NELL2: variants seen among roughly 807,000 people sequenced by gnomAD.
The protein encoded by NELL2 is protein kinase C-binding protein NELL2.
A neutral mutation model predicts 109.6 loss-of-function variants in NELL2; 41 were observed. That is an observed-to-expected ratio of 0.37 (90% CI 0.29 to 0.49). The LOEUF (loss-of-function observed/expected upper bound fraction) is 0.49, where lower values mean the gene tolerates loss of function less well. Among genes scored for constraint, NELL2 ranks in the 20% least tolerant of loss-of-function variants. The pLI, the probability that NELL2 is intolerant of heterozygous loss-of-function variation, is 0.98. For missense variants in NELL2, 900 were observed against 1,008.3 expected, an observed-to-expected ratio of 0.89 and a Z score of 1.45; for synonymous variants, 355 against 344.7, an observed-to-expected ratio of 1.03 and a Z score of -0.33.
At chr12:44,728,320 G>C (rs2037957142) in intron 9 of NELL2, among the ~76,000 whole-genome samples, 1 of 152,048 alleles carries the variant, frequency 6.6e-6, no homozygotes, top group Non-Finnish European at 1.5e-5. Flanking sequence ...CAGATATTTA[G>C]AATGTAAGAA....
In NELL2 at chr12:44,793,209, C is replaced by A. The variant is rs189070807; in HGVS notation, c.336-13187G>T. 8.9e-4 allele frequency among the ~76,000 whole-genome samples: 136 copies of A among 152,090 alleles called. 3 individuals are homozygous for A. Among genetic ancestry groups the A allele is most frequent in the Non-Finnish European group, 1.5e-4 (10 of 67,978 alleles). ...TTAAGATAAAAAAGAAAAAGGTAAA[C>A]CACCTGTCGAGAATATAAATTATTT... On this transcript the variant is annotated intron_variant, in intron 3 of 19. Coordinates refer to ENST00000429094, the MANE Select transcript of NELL2 (RefSeq NM_001145108.2).
intron 12 of NELL2, among the ~76,000 whole-genome samples, chr12:44,686,250 TG>T (rs893213291): frequency 6.6e-6 from 1 of 152,226 alleles, no homozygotes; most frequent in African/African-American, 2.4e-5. Context: ...TCTCGAGCCT[TG>T]GTTTTCAGCT....
At chr12:44,752,501 T>C (rs1348099627) in intron 9 of NELL2, among the ~76,000 whole-genome samples, 1 of 152,212 alleles carries the variant, frequency 6.6e-6, no homozygotes, top group Non-Finnish European at 1.5e-5. Flanking sequence ...AGTGACAGAC[T>C]GAACTCCAAT....
intron 12 of NELL2, among the ~76,000 whole-genome samples, chr12:44,667,364 G>A (rs936473178): frequency 2.0e-5 from 3 of 152,004 alleles, no homozygotes; most frequent in Non-Finnish European, 4.4e-5. Context: ...GTAATACAGG[G>A]GTCAGGAAAA....
intron 1 of NELL2, among the ~76,000 whole-genome samples, chr12:44,897,654 C>T (rs1945609863): frequency 6.6e-6 from 1 of 152,170 alleles, no homozygotes; most frequent in Admixed American, 6.5e-5. Flanking sequence ...GGTGCCTACA[C>T]CACCAGGGCC....
intron 2 of NELL2, among the ~76,000 whole-genome samples, chr12:44,835,529 G>A (rs571707465): frequency 6.6e-6 from 1 of 152,270 alleles, no homozygotes; most frequent in African/African-American, 2.4e-5. Flanking sequence ...AGCCGCTCAG[G>A]GCCAACACAC....
chr12:44,674,076 T>C (rs1948228865), intron 12 of NELL2, among the ~76,000 whole-genome samples: 1 of 152,158 alleles, frequency 6.6e-6, no homozygotes, highest in South Asian at 2.1e-4. Context: ...TGATGCATAC[T>C]ATATAACAGA....
chr12:44,690,949 A>G (rs776250543), intron 12 of NELL2, among the ~76,000 whole-genome samples: 1 of 152,158 alleles, frequency 6.6e-6, no homozygotes, highest in Non-Finnish European at 1.5e-5. Context: ...GACTTAATTT[A>G]TTATTTCTTC....
chr12:44,821,046 T>C (rs372284022), intron 2 of NELL2, among the ~76,000 whole-genome samples: 2 of 148,852 alleles, frequency 1.3e-5, no homozygotes, highest in East Asian at 4.0e-4. Flanking sequence ...GCTTTATAAA[T>C]ACACACACAC....
chr12:44,697,790 G>C (rs1241040084), intron 12 of NELL2, among the ~76,000 whole-genome samples: 1 of 152,200 alleles, frequency 6.6e-6, no homozygotes, highest in East Asian at 1.9e-4. Flanking sequence ...ATGTCTGCCA[G>C]ATTGTATTAG....
chr12:44,733,132 C>G (rs1939457061), intron 9 of NELL2, among the ~76,000 whole-genome samples: 1 of 151,914 alleles, frequency 6.6e-6, no homozygotes, highest in Admixed American at 6.5e-5. Flanking sequence ...GCAGACTCCA[C>G]AGAAAACAGC....
intron 2 of NELL2, among the ~76,000 whole-genome samples, chr12:44,856,777 G>A (rs1944696816): frequency 1.3e-5 from 2 of 152,206 alleles, no homozygotes; most frequent in African/African-American, 4.8e-5. Flanking sequence ...TAAGAACTCT[G>A]TCTTTTATTT....
chr12:44,894,697 A>G lies in NELL2; in HGVS notation c.39-18797T>C, dbSNP rs73283012. Among the ~76,000 whole-genome samples the G allele has an allele frequency of 5.8e-3, 883 of 152,280 alleles. 6 individuals are homozygous for G. Among genetic ancestry groups the G allele is most frequent in the African/African-American group, 0.02 (841 of 41,568 alleles). ...TTATCTCATCCATAATTTTTGTTCA[A>G]TTATGGAACACGTAATAACAATTTA... On this transcript the variant is annotated intron_variant, in intron 1 of 20. Transcript: ENST00000333837.
At chr12:44,546,154 C>T (rs757950338) in intron 15 of NELL2, among the ~76,000 whole-genome samples, 4 of 152,096 alleles carry the variant, frequency 2.6e-5, no homozygotes, top group Non-Finnish European at 4.4e-5. Context: ...TATTTATTTG[C>T]AAGCTAACTG....
intron 13 of NELL2, among the ~76,000 whole-genome samples, chr12:44,636,913 A>G (rs1315502716): frequency 1.3e-5 from 2 of 152,020 alleles, no homozygotes; most frequent in African/African-American, 4.8e-5. Context: ...GCTATTATTT[A>G]CTGCCTCAAT....
chr12:44,868,643 G>C (rs1220735482), intron 2 of NELL2, among the ~76,000 whole-genome samples: 1 of 152,128 alleles, frequency 6.6e-6, no homozygotes, highest in Non-Finnish European at 1.5e-5. Flanking sequence ...TTCACAGAAA[G>C]ACAAATACCA....
chr12:44,858,494 G>A (rs140195738), intron 2 of NELL2, among the ~76,000 whole-genome samples: 1 of 152,312 alleles, frequency 6.6e-6, no homozygotes, highest in Non-Finnish European at 1.5e-5. Flanking sequence ...CAAGTGCCCA[G>A]TTCCTGACAG....
In NELL2 at chr12:44,670,184, A is replaced by G. The variant is rs1487450580; in HGVS notation, c.1319-4575T>C. 4.6e-5 allele frequency among the ~76,000 whole-genome samples: 7 copies of G among 152,308 alleles called. No homozygotes were observed. The East Asian group carries it at 1.3e-3, about 29-fold the overall frequency. On this transcript the variant is annotated intron_variant, in intron 12 of 19. Transcript: ENST00000429094. ...GAAGGGTAAAGAAATTCTTTCTCAG[A>G]TGAGAAAATAATGAAATAATTCATC...
At chr12:44,703,574 G>C in intron 12 of NELL2, 152 bp downstream of exon 12, 1 of 762,884 alleles carries the variant, frequency 1.3e-6, no homozygotes, top group Non-Finnish European at 2.1e-6. Flanking sequence ...TAATTTGAAA[G>C]ATAATTATTT....
Sources: gnomAD v4.1 joint callset for allele counts (sites outside exome capture counted in the v4.1 genomes callset) on GRCh38, gnomAD v4.1.1 for gene constraint, MANE v1.5 for transcripts, NCBI Gene and HGNC (gene_info 2026-07-23, HGNC 2026-07-21) for gene names.